The following NBPF9 variants were observed in gnomAD, a reference collection of about 807,000 sequenced individuals.
NBPF9 encodes the protein NBPF family member NBPF9.
In NBPF9, 91 loss-of-function variants were observed where a neutral mutation model predicts 97.8. The ratio of observed to expected loss-of-function variants is 0.93; its 90% CI spans 0.79 to 1.11. The LOEUF (loss-of-function observed/expected upper bound fraction) is 1.11. Ranked by LOEUF, NBPF9 falls within the 50% of genes least tolerant of loss-of-function variation. NBPF9 has a pLI of 0.00. For missense variants in NBPF9, 992 were observed against 939.5 expected (o/e 1.06, Z -0.73); for synonymous variants, 334 against 359.5 (o/e 0.93, Z 0.80).
At position 149,077,853 on chromosome 1, in the gene NBPF9, C is replaced by T. The variant is rs190779868; in HGVS notation, c.566+30G>A. On this transcript the variant is annotated intron_variant, in intron 10 of 29. Transcript: ENST00000584027. ...CTAGACATCTTCATATGTTACCACC[C>T]ATTACTTGCTCCTGAGTATTCAGTG... 4 of 1,591,168 alleles carry T rather than the reference C, an allele frequency of 2.5e-6. No individual in the cohort carries two copies. In the Admixed American group the frequency reaches 5.0e-5, roughly 20 times the overall value.
chr1:149,063,131 G>A (rs1176956243), intron 20 of NBPF9, among the ~76,000 whole-genome samples: 7 of 145,174 alleles, frequency 4.8e-5, no homozygotes, highest in African/African-American at 1.9e-4. Flanking sequence ...CTGGTAGACC[G>A]TTATCCCAAT....
chr1:149,083,629 G>C, intron 5 of NBPF9, among the ~76,000 whole-genome samples: 1 of 149,614 alleles, frequency 6.7e-6, no homozygotes, highest in African/African-American at 2.5e-5. Flanking sequence ...CAATTTCTTT[G>C]TAATAGGAGT....
intron 14 of NBPF9, 81 bp downstream of exon 14, chr1:149,072,637 A>T: frequency 6.6e-7 from 1 of 1,522,796 alleles, no homozygotes; most frequent in Admixed American, 1.7e-5. Context: ...CATTGATACA[A>T]CTGTCATTGT....
In NBPF9 at chr1:149,055,900, C is replaced by T. The variant is rs782729782; in HGVS notation, c.3093-1G>A. 4 of 1,611,532 alleles carry T rather than the reference C, an allele frequency of 2.5e-6. No homozygotes were observed. The highest frequency in any genetic ancestry group is 1.7e-5 in the Admixed American group (1 of 59,952). ...CACTTCCATCAGCACGCCGTTGAGC[C>T]TGGAAAAGGAGACAAAACTAAAGAA... is the stretch of plus-strand genomic sequence containing the variant. On this transcript the variant is annotated splice_acceptor_variant, in intron 29 of 29. Transcript: ENST00000584027. LOFTEE classifies it high-confidence loss of function.
rs782160302 is a variant in NBPF9, at chr1:149,079,165, T to G, written c.335A>C (p.Lys112Thr). ...GGAGGCATCTCTCCCTTCCCGTAAC[T>G]TCTCCTTTAACTGCGTCAGCTCTCG... is the stretch of plus-strand genomic sequence containing the variant. The change falls in exon 9 of 30, where the codon AAG becomes ACG. Residue 112 changes from lysine to threonine, a missense_variant. Transcript: ENST00000584027. 80 of 1,280,756 alleles carry G rather than the reference T, an allele frequency of 6.2e-5. No homozygotes were observed. In the Admixed American group the frequency reaches 8.0e-4, roughly 13 times the overall value. 79.3% of individuals were successfully genotyped at this position (1,280,756 alleles called of 1,614,324 possible).
In NBPF9 at chr1:149,078,900, T is replaced by C. The variant is rs1292852363; in HGVS notation, c.493+107A>G. 1.9e-6 allele frequency: 3 copies of C among 1,588,078 alleles called. No homozygotes were observed. In the Admixed American group the frequency reaches 5.0e-5, roughly 27 times the overall value. On this transcript the variant is annotated intron_variant, in intron 9 of 29. Transcript: ENST00000584027. ...TGATCGTGTCATGGCCACATATGTG[T>C]AGCAGAAAAAAACCCCACTGATACA...
chr1:149,078,825 T>A (rs1237805990), intron 9 of NBPF9, among the ~76,000 whole-genome samples, 182 bp downstream of exon 9: 2 of 150,004 alleles, frequency 1.3e-5, no homozygotes. Context: ...TGCAATACTG[T>A]GACCTCCAAA....
chr1:149,054,041 A>C (rs2078057377), exon 30 of NBPF9: 2 of 150,506 alleles, frequency 1.3e-5, no homozygotes, highest in African/African-American at 4.9e-5. Flanking sequence ...CATGGAAATG[A>C]AATGTTTTTA....
exon 11 of NBPF9, chr1:149,077,415 C>T (rs1207249441): frequency 4.3e-6 from 7 of 1,609,534 alleles, no homozygotes; most frequent in African/African-American, 4.0e-5. Flanking sequence ...GCCTTCTGCA[C>T]CTCCCTGATG....
rs1352567206 is a variant in NBPF9, at chr1:149,060,370, T to A, written c.2476+153A>T. ...CCCATCCCTCATCTGGGCTTCCAGG[T>A]AGAACTAGAGTTTCATTCAACCTAC... is the stretch of plus-strand genomic sequence containing the variant. On this transcript the variant is annotated intron_variant, in intron 24 of 29. Transcript: ENST00000584027. 2.2e-5 allele frequency: 10 copies of A among 457,644 alleles called. 3 individuals carry two copies. The highest frequency in any genetic ancestry group is 4.0e-5 in the Non-Finnish European group (10 of 247,568). The allele number at this position is 457,644 out of a possible 1,614,324, so 28.3% of individuals were successfully genotyped here.
intron 4 of NBPF9, among the ~76,000 whole-genome samples, chr1:149,094,707 C>T (rs1331001236): frequency 6.8e-6 from 1 of 147,698 alleles, no homozygotes; most frequent in African/African-American, 2.7e-5. Flanking sequence ...CATCACTTGT[C>T]CTCACAGCTA....
At chr1:149,100,653 G>A (rs2082087251) in intron 3 of NBPF9, among the ~76,000 whole-genome samples, 3 of 152,184 alleles carry the variant, frequency 2.0e-5, no homozygotes, top group African/African-American at 7.2e-5. Flanking sequence ...GTGAATCACA[G>A]CCGGGTGGGG....
At chr1:149,078,879 C>G in intron 9 of NBPF9, 128 bp downstream of exon 9, 3 of 1,541,878 alleles carry the variant, frequency 1.9e-6, no homozygotes, top group East Asian at 2.2e-5. Flanking sequence ...AAGTCCTGAT[C>G]GTGTCATGGC....
chr1:149,072,741 T>A (rs1261149626), exon 14 of NBPF9: 2 of 1,611,352 alleles, frequency 1.2e-6, no homozygotes, highest in Non-Finnish European at 1.7e-6. Flanking sequence ...TTGGACAAGG[T>A]GCTGTGCCAG....
At position 149,087,194 on chromosome 1, in the gene NBPF9, T is replaced by C. The variant is rs1192883167; in HGVS notation, c.-195+3559A>G. Among the ~76,000 whole-genome samples, 8 of 152,032 alleles carry C rather than the reference T, an allele frequency of 5.3e-5. No homozygotes were observed. In the South Asian group the frequency reaches 1.5e-3, roughly 28 times the overall value. The stretch of plus-strand genomic sequence containing the variant: ...TCTTTTCTGAAGTATCTAAGTCTTT[T>C]GAGAAATTGTTTCAATGTGCTGTTT... On this transcript the variant is annotated intron_variant, in intron 5 of 29. Transcript: ENST00000584027.
intron 8 of NBPF9, among the ~76,000 whole-genome samples, chr1:149,079,558 T>C (rs1307063291): frequency 6.7e-6 from 1 of 148,462 alleles, no homozygotes; most frequent in Non-Finnish European, 1.5e-5. Context: ...ATACACATAG[T>C]GCATCTTGCG....
At chr1:149,067,377 T>C (rs1432113226) in intron 17 of NBPF9, among the ~76,000 whole-genome samples, 5 of 130,340 alleles carry the variant, frequency 3.8e-5, no homozygotes, top group Admixed American at 2.3e-4. Flanking sequence ...TAGTTACATA[T>C]GTATACATGT....
At chr1:149,095,974 G>C (rs2081737243) in intron 4 of NBPF9, among the ~76,000 whole-genome samples, 1 of 151,566 alleles carries the variant, frequency 6.6e-6, no homozygotes, top group Non-Finnish European at 1.5e-5. Context: ...CTTTCACCAA[G>C]TGAATGAATA....
intron 12 of NBPF9, among the ~76,000 whole-genome samples, chr1:149,074,610 G>A (rs1439914909): frequency 4.0e-5 from 6 of 151,072 alleles, no homozygotes; most frequent in African/African-American, 1.5e-4. Flanking sequence ...GGTAACTGAG[G>A]GACAGACAAG....
Sources: allele counts gnomAD v4.1 joint callset (sites outside exome capture counted in the v4.1 genomes callset), GRCh38; gene constraint gnomAD v4.1.1; transcripts MANE v1.5; gene names NCBI Gene and HGNC (gene_info 2026-07-23, HGNC 2026-07-21).